Variants in SCN10A observed in about 807,000 individuals in gnomAD.
SCN10A encodes sodium voltage-gated channel alpha subunit 10.
Under a neutral mutation model 170.7 loss-of-function variants are expected in SCN10A, and 162 were observed. The observed-to-expected ratio is 0.95, with a 90% CI of 0.84 to 1.08. SCN10A has a LOEUF of 1.08. Among genes scored for constraint, SCN10A ranks in the 50% least tolerant of loss-of-function variants. The pLI is 0.00. For missense variants in SCN10A, 2,527 were observed against 2,436.9 expected (o/e 1.04, Z -0.78); for synonymous variants, 985 against 904.6 (o/e 1.09, Z -1.59).
At chr3:38,722,957 A>G (rs975790360) in intron 19 of SCN10A, among the ~76,000 whole-genome samples, 1 of 152,232 alleles carries the variant, frequency 6.6e-6, no homozygotes, top group Non-Finnish European at 1.5e-5. Context: ...ACAAATATTT[A>G]TTGAGAATGT....
rs1052921903 is a variant in SCN10A, at chr3:38,774,751, C to G, written c.471-3344G>C. 3.3e-5 allele frequency among the ~76,000 whole-genome samples: 5 copies of G among 152,316 alleles called. No homozygotes were observed. The East Asian group carries it at 9.6e-4, about 29-fold the overall frequency. ...TTTTTAAAACTCTGTGTAAGCCCTTCCCATTTGCCAGCCAAAGCAATTCAG... is the reference window on the plus strand; with the variant it reads ...TTTTTAAAACTCTGTGTAAGCCCTTGCCATTTGCCAGCCAAAGCAATTCAG... On this transcript the variant is annotated intron_variant, in intron 4 of 27. Coordinates refer to ENST00000449082, the MANE Select transcript of SCN10A (RefSeq NM_006514.4).
rs1060501715 is a variant in SCN10A at position 38,709,538 on chromosome 3, G to T, written c.4221C>A (p.Phe1407Leu). 2 of 1,613,252 alleles carry T rather than the reference G, an allele frequency of 1.2e-6. No individual in the cohort carries two copies. The highest frequency in any genetic ancestry group is 1.7e-6 in the Non-Finnish European group (2 of 1,179,630). ...YFVIFIIFGGFFTLNLFVGVI... is the reference protein window; with the variant it reads ...YFVIFIIFGGLFTLNLFVGVI... ...CCCCAACAAAGAGATTCAGTGTGAA[G>T]AAGCCTCCAAAAATGATGAAGATGA... The change falls in exon 25 of 28, where the codon TTC becomes TTA. Residue 1407 changes from phenylalanine to leucine, a missense_variant. Coordinates refer to ENST00000449082, the MANE Select transcript of SCN10A (RefSeq NM_006514.4).
At chr3:38,764,386 A>T (rs1421094378) in intron 5 of SCN10A, among the ~76,000 whole-genome samples, 1 of 152,006 alleles carries the variant, frequency 6.6e-6, no homozygotes, top group South Asian at 2.1e-4. Flanking sequence ...TTTCCTCCCA[A>T]GTCCCCAAAG....
chr3:38,798,898 TC>T (rs1448493754), intron 1 of SCN10A, among the ~76,000 whole-genome samples: 2 of 147,064 alleles, frequency 1.4e-5, no homozygotes, highest in East Asian at 4.2e-4. Context: ...CAAGTGATCC[TC>T]CCACCTCAGC....
intron 15 of SCN10A, among the ~76,000 whole-genome samples, chr3:38,735,880 G>A (rs1265466242): frequency 3.3e-5 from 5 of 152,116 alleles, no homozygotes; most frequent in Non-Finnish European, 7.3e-5. Flanking sequence ...GAGTTCCTAT[G>A]TATGTGCTGG....
chr3:38,813,774 G>C (rs998371186), intron 1 of SCN10A, among the ~76,000 whole-genome samples: 4 of 152,212 alleles, frequency 2.6e-5, no homozygotes, highest in African/African-American at 9.6e-5. Context: ...ATGGACCAAA[G>C]TGACATTCTA....
At chr3:38,789,448 T>C (rs1234952060) in intron 3 of SCN10A, among the ~76,000 whole-genome samples, 1 of 152,116 alleles carries the variant, frequency 6.6e-6, no homozygotes. Context: ...TTCATTTCAG[T>C]ATACAAAATG....
intron 1 of SCN10A, among the ~76,000 whole-genome samples, chr3:38,813,450 A>G (rs180774165): frequency 1.3e-5 from 2 of 152,330 alleles, no homozygotes; most frequent in African/African-American, 4.8e-5. Flanking sequence ...AAATGATAAT[A>G]GGAATAGGAG....
At chr3:38,749,883 T>C (rs1275276445) in intron 13 of SCN10A, among the ~76,000 whole-genome samples, 190 bp downstream of exon 13, 4 of 152,220 alleles carry the variant, frequency 2.6e-5, no homozygotes, top group Non-Finnish European at 5.9e-5. Context: ...ATTTTGTTTT[T>C]GAAAAATTAT....
At chr3:38,793,498 G>A (rs2064310965) in intron 2 of SCN10A, among the ~76,000 whole-genome samples, 1 of 152,126 alleles carries the variant, frequency 6.6e-6, no homozygotes. Flanking sequence ...TTCCCTGAAA[G>A]CTCTGCAGCA....
At chr3:38,741,943 A>G (rs924933133) in intron 14 of SCN10A, among the ~76,000 whole-genome samples, 7 of 152,196 alleles carry the variant, frequency 4.6e-5, no homozygotes, top group South Asian at 2.1e-4. Context: ...AAAAAGTGAC[A>G]TTTATCCTCA....
intron 21 of SCN10A, among the ~76,000 whole-genome samples, chr3:38,714,811 A>G (rs1461991299): frequency 6.6e-6 from 1 of 152,178 alleles, no homozygotes; most frequent in Non-Finnish European, 1.5e-5. Flanking sequence ...AAGACTGCAA[A>G]GGACAGAAAC....
chr3:38,809,060 T>C (rs191130231), intron 1 of SCN10A, among the ~76,000 whole-genome samples: 1 of 152,194 alleles, frequency 6.6e-6, no homozygotes, highest in Non-Finnish European at 1.5e-5. Context: ...CTGGAAATAA[T>C]GTTATGGCTC....
In SCN10A at chr3:38,707,403, G is replaced by T; in HGVS notation, c.4282-20C>A. 6.2e-7 allele frequency: 1 copy of T among 1,612,832 alleles called. No homozygotes were observed. Among genetic ancestry groups the T allele is most frequent in the Non-Finnish European group, 8.5e-7 (1 of 1,178,956 alleles). On this transcript the variant is annotated intron_variant, in intron 25 of 27. Transcript: ENST00000449082. ...CCCTAAGTGCAGAGAGGGCCACACT[G>T]TTACTAAAGCAAGAGGAACCCCCTA...
At chr3:38,768,299 A>G (rs57989962) in intron 5 of SCN10A, among the ~76,000 whole-genome samples, 5,958 of 151,880 alleles carry the variant, frequency 0.039, 412 homozygotes, top group African/African-American at 0.13. Flanking sequence ...TATTGCCTTA[A>G]TTCCTTTTTT....
chr3:38,755,767 G>C lies in SCN10A; in HGVS notation c.1461+21C>G, dbSNP rs755192222. ...GCTGCAATGGTGGGTAATCTTTAGA[G>C]CACAAACCTGAGCCTCTTACCATCC... On this transcript the variant is annotated intron_variant, in intron 11 of 27. Coordinates refer to ENST00000449082, the MANE Select transcript of SCN10A (RefSeq NM_006514.4). The C allele has an allele frequency of 7.4e-6, 12 of 1,612,406 alleles. No individual in the cohort carries two copies. The East Asian group carries it at 2.7e-4, about 36-fold the overall frequency.
rs561959910 is a variant in SCN10A, at chr3:38,788,216, C to CAAAAAA, written c.470+734_470+739dup. Reference sequence around the variant, plus strand: ...TGGCATGCATTACTGTTATGATTAGCAAAAAAAAAAAAAAAAAAAAAAAGA... The same window carrying CAAAAAA: ...TGGCATGCATTACTGTTATGATTAGCAAAAAAAAAAAAAAAAAAAAAAAAAAAAAGA... On this transcript the variant is annotated intron_variant, in intron 4 of 27. Coordinates refer to ENST00000449082, the MANE Select transcript of SCN10A (RefSeq NM_006514.4). Among the ~76,000 whole-genome samples the CAAAAAA allele has an allele frequency of 3.6e-4, 35 of 97,824 alleles. No individual in the cohort carries two copies. The East Asian group carries it at 5.8e-3, about 16-fold the overall frequency. 64.2% of individuals were successfully genotyped at this position (97,824 alleles called of 152,430 possible).
intron 15 of SCN10A, among the ~76,000 whole-genome samples, chr3:38,729,308 C>T (rs532839682): frequency 3.9e-5 from 6 of 152,212 alleles, no homozygotes; most frequent in African/African-American, 7.2e-5. Context: ...CAGCCTCCTT[C>T]GGGTAGGGGA....
intron 13 of SCN10A, 113 bp downstream of exon 13, chr3:38,749,960 A>G (rs1559442026): frequency 5.3e-6 from 3 of 570,786 alleles, no homozygotes; most frequent in African/African-American, 1.9e-5. Context: ...AGTATTAGGA[A>G]TTCCAGTACA....
Sources: gnomAD v4.1 joint callset for allele counts (sites outside exome capture counted in the v4.1 genomes callset) on GRCh38, gnomAD v4.1.1 for gene constraint, MANE v1.5 for transcripts, NCBI Gene and HGNC (gene_info 2026-07-23, HGNC 2026-07-21) for gene names.